PDE4D: variants seen among roughly 807,000 people sequenced by gnomAD.
The protein encoded by PDE4D is phosphodiesterase 4D.
PDE4D carries 24 observed loss-of-function variants against 87.4 expected under a neutral mutation model. That is an observed-to-expected ratio of 0.27 (90% CI 0.20 to 0.39). PDE4D has a LOEUF of 0.39. PDE4D is among the 10% of genes least tolerant of loss of function. The probability of loss-of-function intolerance (pLI) is 1.00; values close to 1 mark genes in which losing one functional copy is unlikely to be tolerated. For missense variants in PDE4D, 714 were observed against 1,041.0 expected (o/e 0.69, Z 4.32); for synonymous variants, 384 against 383.2 (o/e 1.00, Z -0.02).
chr5:59,516,071 T>C (rs1013660131), intron 1 of PDE4D, among the ~76,000 whole-genome samples: 1 of 152,216 alleles, frequency 6.6e-6, no homozygotes, highest in Non-Finnish European at 1.5e-5. Flanking sequence ...ATGAACTATA[T>C]GATAGAATGA....
chr5:59,633,182 T>A (rs1398613943), intron 1 of PDE4D, among the ~76,000 whole-genome samples: 1 of 151,738 alleles, frequency 6.6e-6, no homozygotes, highest in African/African-American at 2.4e-5. Flanking sequence ...AAGACAAGAT[T>A]AGATAAAAAA....
At chr5:59,587,474 T>C in intron 1 of PDE4D, 1 of 985,406 alleles carries the variant, frequency 1.0e-6, no homozygotes, top group Non-Finnish European at 1.2e-6. Context: ...TAAAACACAA[T>C]GGCAACAGGC....
At chr5:60,416,129 G>C (rs555036859) in intron 1 of PDE4D, among the ~76,000 whole-genome samples, 1 of 152,248 alleles carries the variant, frequency 6.6e-6, no homozygotes, top group African/African-American at 2.4e-5. Context: ...AGCTAATCTA[G>C]TGTGGACATG....
rs138940994 is a variant in PDE4D at position 60,264,390 on chromosome 5, C to G, written c.-89-78703G>C. ...CAAACAGAATAGGACAGTACCTTGGCCTAGCTATAGCCAAAACAATCACAA... is the reference window on the plus strand; with the variant it reads ...CAAACAGAATAGGACAGTACCTTGGGCTAGCTATAGCCAAAACAATCACAA... On this transcript the variant is annotated intron_variant, in intron 1 of 16. Coordinates refer to the PDE4D transcript ENST00000502484. Among the ~76,000 whole-genome samples, 731 of 152,314 alleles carry G rather than the reference C, an allele frequency of 4.8e-3. 4 individuals carry two copies. The highest frequency in any genetic ancestry group is 0.026 in the South Asian group (125 of 4,826).
intron 1 of PDE4D, among the ~76,000 whole-genome samples, chr5:60,210,321 T>C (rs932147029): frequency 6.6e-6 from 1 of 151,902 alleles, no homozygotes; most frequent in African/African-American, 2.4e-5. Flanking sequence ...TTTTTTGATT[T>C]ACCTCAAAAA....
Position 59,909,736 on chromosome 5 carries a change from C to T in PDE4D, c.272+78752G>A, listed in dbSNP as rs1004191893. Among the ~76,000 whole-genome samples the T allele has an allele frequency of 1.7e-4, 26 of 152,188 alleles. No individual in the cohort carries two copies. In the East Asian group the frequency reaches 3.9e-3, roughly 23 times the overall value. On this transcript the variant is annotated intron_variant, in intron 3 of 16. Transcript: ENST00000502484. The stretch of plus-strand genomic sequence containing the variant: ...CCACTGTTCTGCTTTCTTCCTTTCT[C>T]GTTCTCCCTATTTTCAAGAAATTGT...
chr5:60,410,656 C>G (rs1391030675), intron 1 of PDE4D, among the ~76,000 whole-genome samples: 1 of 152,168 alleles, frequency 6.6e-6, no homozygotes, highest in Non-Finnish European at 1.5e-5. Flanking sequence ...AGCAACCACA[C>G]AAAGCAGACA....
chr5:59,951,665 T>C (rs898901445), intron 3 of PDE4D, among the ~76,000 whole-genome samples: 2 of 152,116 alleles, frequency 1.3e-5, no homozygotes, highest in Non-Finnish European at 2.9e-5. Flanking sequence ...ATTACTAAGT[T>C]TTTCTGAAAG....
At chr5:59,248,991 A>T (rs1581598911) in intron 1 of PDE4D, among the ~76,000 whole-genome samples, 1 of 152,130 alleles carries the variant, frequency 6.6e-6, no homozygotes, top group East Asian at 1.9e-4. Flanking sequence ...AAAGAAAAAA[A>T]ATCAATAAAT....
At chr5:60,461,683 C>T (rs1425320380) in intron 1 of PDE4D, among the ~76,000 whole-genome samples, 2 of 152,110 alleles carry the variant, frequency 1.3e-5, no homozygotes, top group Non-Finnish European at 2.9e-5. Flanking sequence ...TGGAACATAC[C>T]AGCAAACAAA....
chr5:59,733,187 G>A lies in PDE4D; in HGVS notation c.455+159981C>T, dbSNP rs371045883. ...GAGTTTGAAATAATAATTGGGTGAG[G>A]TCTTGAGGGATGGATTTTTATTGGT... On this transcript the variant is annotated intron_variant, in intron 1 of 14. Transcript: ENST00000340635. Among the ~76,000 whole-genome samples the A allele has an allele frequency of 1.9e-4, 29 of 152,232 alleles. No individual in the cohort carries two copies. The South Asian group carries it at 4.3e-3, about 23-fold the overall frequency.
chr5:59,511,716 T>C (rs1810315301), intron 1 of PDE4D, among the ~76,000 whole-genome samples: 1 of 152,050 alleles, frequency 6.6e-6, no homozygotes, highest in South Asian at 2.1e-4. Context: ...ATAATAATTT[T>C]CAAAATATAT....
chr5:59,613,638 G>A (rs952538023), intron 1 of PDE4D, among the ~76,000 whole-genome samples: 3 of 152,172 alleles, frequency 2.0e-5, no homozygotes, highest in African/African-American at 7.2e-5. Flanking sequence ...GATGCCTTGA[G>A]ACCCTGGGGA....
rs1340297744 is a variant in PDE4D, at chr5:59,397,951, A to G, written c.456-181983T>C. 3.3e-5 allele frequency among the ~76,000 whole-genome samples: 4 copies of G among 120,418 alleles called. 1 individual carries two copies. The highest frequency in any genetic ancestry group is 7.1e-5 in the Non-Finnish European group (4 of 56,526). 79.0% of individuals were successfully genotyped at this position (120,418 alleles called of 152,430 possible). A position where few individuals can be genotyped will look rare whatever the true frequency, so the allele number is the denominator to read the frequency against. On this transcript the variant is annotated intron_variant, in intron 1 of 14. Transcript: ENST00000340635. The stretch of plus-strand genomic sequence containing the variant: ...ACTACCATCAGAGAATACTACAAAC[A>G]CCTCTATGCAAATAAACTAGAAAAT...
intron 1 of PDE4D, among the ~76,000 whole-genome samples, chr5:60,340,321 C>A (rs1758199432): frequency 6.6e-6 from 1 of 151,508 alleles, no homozygotes. Context: ...ATAAGTTTCA[C>A]TAGGCTGAGG....
At chr5:59,768,242 CTTACCATGTA>C in intron 1 of PDE4D, 1 of 1,598,216 alleles carries the variant, frequency 6.3e-7, no homozygotes, top group African/African-American at 1.3e-5. Context: ...CTGCGCAAAC[CTTACCATGTA>C]TGTGCCACCG....
At chr5:59,304,370 A>T (rs1450950315) in intron 1 of PDE4D, among the ~76,000 whole-genome samples, 2 of 152,062 alleles carry the variant, frequency 1.3e-5, no homozygotes, top group Non-Finnish European at 2.9e-5. Flanking sequence ...CTCTTTACCG[A>T]TTTGGATGCC....
At chr5:59,262,177 A>C (rs1762111286) in intron 1 of PDE4D, among the ~76,000 whole-genome samples, 2 of 151,944 alleles carry the variant, frequency 1.3e-5, no homozygotes. Context: ...TATGAAGCCG[A>C]GTGCTGTATA....
intron 1 of PDE4D, among the ~76,000 whole-genome samples, chr5:59,500,688 G>A (rs2153664174): frequency 6.6e-6 from 1 of 152,194 alleles, no homozygotes; most frequent in South Asian, 2.1e-4. Flanking sequence ...ATCATTACAA[G>A]CCCAAACCTC....
Sources: allele counts gnomAD v4.1 joint callset (sites outside exome capture counted in the v4.1 genomes callset), GRCh38; gene constraint gnomAD v4.1.1; transcripts MANE v1.5; gene names NCBI Gene and HGNC (gene_info 2026-07-23, HGNC 2026-07-21).